TFAP2E: variants seen among roughly 807,000 people sequenced by gnomAD.
The protein encoded by TFAP2E is transcription factor AP-2 epsilon.
A neutral mutation model predicts 37.9 loss-of-function variants in TFAP2E; 30 were observed. That is an observed-to-expected ratio of 0.79 (90% confidence interval 0.59 to 1.07). TFAP2E has a LOEUF of 1.07. TFAP2E is among the 50% of genes least tolerant of loss of function. The pLI is 0.00. For synonymous variants in TFAP2E, 318 were observed against 295.8 expected (o/e 1.08, Z -0.77); for missense variants, 567 against 637.9 (o/e 0.89, Z 1.20).
At position 35,573,715 on chromosome 1, in the gene TFAP2E, G is replaced by A. The variant is rs1649078754; in HGVS notation, c.27+111G>A. On this transcript the variant is annotated intron_variant, in intron 1 of 6. Coordinates refer to ENST00000373235, the MANE Select transcript of TFAP2E (RefSeq NM_178548.4). The surrounding 1 kb of genome is among the most constrained non-coding windows in gnomAD (Gnocchi z 5.9). ...AACGAAATCTCGGAGGGAGGGGGCC[G>A]CAGGGACTTCGCCAGCTGAGAACGC... is the stretch of plus-strand genomic sequence containing the variant. 7 of 1,471,086 alleles carry A rather than the reference G, an allele frequency of 4.8e-6. No homozygotes were observed. The Admixed American group carries it at 1.2e-4, about 24-fold the overall frequency. The allele number at this position is 1,471,086 out of a possible 1,614,324, so 91.1% of individuals were successfully genotyped here.
At chr1:35,580,121 A>C (rs950796461) in intron 3 of TFAP2E, among the ~76,000 whole-genome samples, 5 of 152,092 alleles carry the variant, frequency 3.3e-5, no homozygotes, top group Admixed American at 2.6e-4. Context: ...GAGACAGGAA[A>C]ATCGCTTGAA....
chr1:35,590,318 G>C lies in TFAP2E; in HGVS notation c.904+270G>C, dbSNP rs1649621517. ...GGTGTGGGTGTGGGTGTGTGGGTGT[G>C]TGTGTTGGCGGGGAGTGGCCAGTGT... On this transcript the variant is annotated intron_variant, in intron 5 of 6. Transcript: ENST00000373235. This position sits in a 1 kb window ranked among gnomAD's most constrained non-coding sequence, Gnocchi z 6.2. 6.6e-6 allele frequency among the ~76,000 whole-genome samples: 1 copy of C among 152,144 alleles called. No homozygotes were observed. The highest frequency in any genetic ancestry group is 1.5e-5 in the Non-Finnish European group (1 of 68,012).
chr1:35,591,477 A>G (rs1258524998), intron 6 of TFAP2E, among the ~76,000 whole-genome samples: 3 of 152,010 alleles, frequency 2.0e-5, no homozygotes, highest in East Asian at 1.9e-4. Flanking sequence ...TGCCTCCCTC[A>G]CTACCGTTCA....
rs1571109984 is a variant in TFAP2E at position 35,591,470 on chromosome 1, C to G, written c.1046+695C>G. On this transcript the variant is annotated intron_variant, in intron 6 of 6. Coordinates refer to ENST00000373235, the MANE Select transcript of TFAP2E (RefSeq NM_178548.4). The stretch of plus-strand genomic sequence containing the variant: ...GACTGTTCTGCAAATCCCATTGTGC[C>G]TCCCTCACTACCGTTCACATGCTGC... 2.0e-5 allele frequency among the ~76,000 whole-genome samples: 3 copies of G among 152,266 alleles called. No homozygotes were observed. In the South Asian group the frequency reaches 6.2e-4, roughly 32 times the overall value.
rs930371013 is a variant in TFAP2E at position 35,573,684 on chromosome 1, C to A, written c.27+80C>A. On this transcript the variant is annotated intron_variant, in intron 1 of 6. Transcript: ENST00000373235. The surrounding 1 kb of genome is among the most constrained non-coding windows in gnomAD (Gnocchi z 5.9). ...GCTGGACTTTCCAACCCTCCTGTCC[C>A]GCGCTAACGAAATCTCGGAGGGAGG... 1 of 1,501,702 alleles carries A rather than the reference C, an allele frequency of 6.7e-7. No individual in the cohort carries two copies. 93.0% of individuals were successfully genotyped at this position (1,501,702 alleles called of 1,614,324 possible). A position where few individuals can be genotyped will look rare whatever the true frequency, so the allele number is the denominator to read the frequency against.
At chr1:35,576,443 AAG>A (rs1009685121) in intron 3 of TFAP2E, among the ~76,000 whole-genome samples, 13 of 152,114 alleles carry the variant, frequency 8.5e-5, no homozygotes, top group Admixed American at 1.3e-4. Flanking sequence ...CCCCTGAAGA[AAG>A]AGATCCGTCT....
chr1:35,588,567 C>T lies in TFAP2E; in HGVS notation c.785+15C>T. The T allele has an allele frequency of 6.4e-7, 1 of 1,553,830 alleles. No homozygotes were observed. ...GTCCTCCGCAGGTAGGAAGGCCAGC[C>T]CACAATTCCCCGCCTGATTGGATCC... On this transcript the variant is annotated intron_variant, in intron 4 of 6. Transcript: ENST00000373235. This position sits in a 1 kb window ranked among gnomAD's most constrained non-coding sequence, Gnocchi z 5.1.
chr1:35,594,248 T>TA (rs1649765073), intron 6 of TFAP2E, 146 bp from the exon 7 acceptor site: 10 of 1,038,960 alleles, frequency 9.6e-6, no homozygotes, highest in Non-Finnish European at 8.1e-6. Context: ...TCCTTTTCTG[T>TA]AAAAAACAGT....
At position 35,588,587 on chromosome 1, in the gene TFAP2E, G is replaced by T; in HGVS notation, c.785+35G>T. 1 of 1,537,306 alleles carries T rather than the reference G, an allele frequency of 6.5e-7. No individual in the cohort carries two copies. The highest frequency in any genetic ancestry group is 1.2e-5 in the South Asian group (1 of 81,388). On this transcript the variant is annotated intron_variant, in intron 4 of 6. Transcript: ENST00000373235. This position sits in a 1 kb window ranked among gnomAD's most constrained non-coding sequence, Gnocchi z 5.1. ...CCAGCCCACAATTCCCCGCCTGATT[G>T]GATCCCTGGCCTCTTCAGGCCTTCT...
Position 35,589,962 on chromosome 1 carries a change from G to C in TFAP2E, c.818G>C (p.Arg273Pro). 1 of 1,614,042 alleles carries C rather than the reference G, an allele frequency of 6.2e-7. No homozygotes were observed. Among genetic ancestry groups the C allele is most frequent in the Non-Finnish European group, 8.5e-7 (1 of 1,179,940 alleles). The change falls in exon 5 of 7, where the codon CGG (arginine) becomes CCG (proline). Residue 273 changes from arginine to proline, a missense_variant. Arg to Pro is a moderately radical substitution (Grantham distance 103, BLOSUM62 -2). Coordinates refer to ENST00000373235, the MANE Select transcript of TFAP2E (RefSeq NM_178548.4). ...TCCAAAAATGGGGGCCGGTGTTTGC[G>C]GGAACGGTTAGAGAAGATTGGGCTC... ...AKSKNGGRCL[R>P]ERLEKIGLNL...
In TFAP2E at chr1:35,577,373, G is replaced by T. The variant is rs76219284; in HGVS notation, c.562+2373G>T. 2.2e-6 allele frequency: 1 copy of T among 456,792 alleles called. No homozygotes were observed. The highest frequency in any genetic ancestry group is 4.4e-6 in the Non-Finnish European group (1 of 226,990). The allele number at this position is 456,792 out of a possible 1,614,324, so 28.3% of individuals were successfully genotyped here. ...TTCGGCGTTGCCGCCAGCCCAGTGG[G>T]GAGTGAATTAGCGCCCTCCTTCGTC... On this transcript the variant is annotated intron_variant, in intron 3 of 6. Transcript: ENST00000373235. This position sits in a 1 kb window ranked among gnomAD's most constrained non-coding sequence, Gnocchi z 6.3.
chr1:35,593,588 T>A (rs956302369), intron 6 of TFAP2E, among the ~76,000 whole-genome samples: 1 of 152,178 alleles, frequency 6.6e-6, no homozygotes, highest in African/African-American at 2.4e-5. Context: ...GACTGCCAAA[T>A]GGAGAGACCT....
intron 3 of TFAP2E, among the ~76,000 whole-genome samples, chr1:35,587,249 T>G (rs924283796): frequency 7.9e-5 from 12 of 152,212 alleles, no homozygotes; most frequent in Admixed American, 6.5e-4. Context: ...TGCTTCGATA[T>G]TCTCCCTTCC....
intron 3 of TFAP2E, among the ~76,000 whole-genome samples, chr1:35,582,199 A>C (rs1168445644): frequency 6.6e-6 from 1 of 152,016 alleles, no homozygotes; most frequent in Non-Finnish European, 1.5e-5. Flanking sequence ...TATTATAACC[A>C]TCAAGTGGTA....
Position 35,574,097 on chromosome 1 carries a change from C to T in TFAP2E, c.198C>T (p.Tyr66=), listed in dbSNP as rs749071153. The change falls in exon 2 of 7, where the codon TAC becomes TAT. Residue 66 remains tyrosine, a synonymous_variant. Transcript: ENST00000373235. The part of the protein sequence containing the change: ...PPPYPQPPLP[Y]GQAPDAAAAF... ...CCTACCCGCAGCCACCGCTGCCCTA[C>T]GGTCAGGCGCCCGACGCCGCCGCAG... 7 of 1,471,082 alleles carry T rather than the reference C, an allele frequency of 4.8e-6. No individual in the cohort carries two copies. The highest frequency in any genetic ancestry group is 6.3e-6 in the Non-Finnish European group (7 of 1,114,624). The allele number at this position is 1,471,082 out of a possible 1,614,324, so 91.1% of individuals were successfully genotyped here. A position where few individuals can be genotyped will look rare whatever the true frequency, so the allele number is the denominator to read the frequency against.
At chr1:35,581,049 AC>A (rs1376623372) in intron 3 of TFAP2E, among the ~76,000 whole-genome samples, 1 of 152,214 alleles carries the variant, frequency 6.6e-6, no homozygotes, top group Non-Finnish European at 1.5e-5. Flanking sequence ...GCCTTAGGCC[AC>A]CACTGATCTG....
Position 35,574,143 on chromosome 1 carries a change from G to C in TFAP2E, c.244G>C (p.Asp82His). 6.9e-7 allele frequency: 1 copy of C among 1,445,374 alleles called. No individual in the cohort carries two copies. Among genetic ancestry groups the C allele is most frequent in the Non-Finnish European group, 9.1e-7 (1 of 1,100,094 alleles). 89.5% of individuals were successfully genotyped at this position (1,445,374 alleles called of 1,614,324 possible). ...CGCAGCCTTTCCCCACCTGGCAGGG[G>C]ACCCATATGGCGGCCTGGCGCCCCT... The part of the protein sequence containing the change: ...AAAAFPHLAG[D>H]PYGGLAPLAQ... The change falls in exon 2 of 7, where the codon GAC becomes CAC. Residue 82 changes from aspartate to histidine, a missense_variant. Around this residue, in one of 3 missense-constraint regions of TFAP2E, gnomAD observed 312 missense variants for 317.4 expected, o/e 0.98. Coordinates refer to ENST00000373235, the MANE Select transcript of TFAP2E (RefSeq NM_178548.4).
chr1:35,594,605 T>A lies in TFAP2E; in HGVS notation c.1258T>A (p.Phe420Ile). 6.2e-7 allele frequency: 1 copy of A among 1,614,166 alleles called. No individual in the cohort carries two copies. Among genetic ancestry groups the A allele is most frequent in the Non-Finnish European group, 8.5e-7 (1 of 1,180,016 alleles). The change falls in exon 7 of 7, where the codon TTT becomes ATT. Residue 420 changes from phenylalanine to isoleucine, a missense_variant. Phe to Ile is a conservative substitution (Grantham distance 21, BLOSUM62 0). Around this residue, in one of 3 missense-constraint regions of TFAP2E, gnomAD observed 252 missense variants for 302.6 expected, o/e 0.83. Coordinates refer to ENST00000373235, the MANE Select transcript of TFAP2E (RefSeq NM_178548.4). ...LESLKGLDKMFLSSVGSGHGE... is the reference protein window; with the variant it reads ...LESLKGLDKMILSSVGSGHGE... ...GTCACTCAAGGGGCTGGACAAGATG[T>A]TTCTAAGCAGTGTGGGCAGTGGGCA...
chr1:35,573,621 C>A lies in TFAP2E; in HGVS notation c.27+17C>A. 6.5e-7 allele frequency: 1 copy of A among 1,539,150 alleles called. No individual in the cohort carries two copies. The highest frequency in any genetic ancestry group is 8.7e-7 in the Non-Finnish European group (1 of 1,142,940). The stretch of plus-strand genomic sequence containing the variant: ...TCCGCCATGGTGAGTAGTCTCGGGC[C>A]CGGGACATATTCGGCCGGGGGATCG... On this transcript the variant is annotated intron_variant, in intron 1 of 6. Coordinates refer to ENST00000373235, the MANE Select transcript of TFAP2E (RefSeq NM_178548.4). This position sits in a 1 kb window ranked among gnomAD's most constrained non-coding sequence, Gnocchi z 5.9.
Sources: allele counts gnomAD v4.1 joint callset (sites outside exome capture counted in the v4.1 genomes callset), GRCh38; gene constraint gnomAD v4.1.1; regional missense constraint gnomAD v4.1.1; non-coding constraint Gnocchi (gnomAD v3.1); transcripts MANE v1.5; gene names NCBI Gene and HGNC (gene_info 2026-07-23, HGNC 2026-07-21).